The following NFIA variants were observed in gnomAD, a reference collection of about 807,000 sequenced individuals.
NFIA encodes the protein nuclear factor I A, also known as nuclear factor 1 A-type.
NFIA carries 8 observed loss-of-function variants against 62.8 expected under a neutral mutation model. That is an observed-to-expected ratio of 0.13 (90% CI 0.07 to 0.23). The LOEUF is 0.23. Ranked by LOEUF, NFIA falls within the 10% of genes least tolerant of loss-of-function variation. The pLI is 1.00. For synonymous variants in NFIA, 235 were observed against 238.1 expected, an observed-to-expected ratio of 0.99 and a Z score of 0.12; for missense variants, 410 against 642.1, an observed-to-expected ratio of 0.64 and a Z score of 3.91.
At chr1:61,194,664 T>C (rs918862114) in intron 2 of NFIA, among the ~76,000 whole-genome samples, 11 of 152,190 alleles carry the variant, frequency 7.2e-5, no homozygotes, top group African/African-American at 2.7e-4. Context: ...CTTCACCCTA[T>C]CATTTTGCTG....
intron 7 of NFIA, chr1:61,385,725 T>G (rs1397777139): frequency 6.6e-6 from 1 of 152,210 alleles, no homozygotes; most frequent in Admixed American, 6.5e-5. Flanking sequence ...TGACCCACGC[T>G]GGGTTGAACC....
At chr1:61,114,561 TA>T (rs1238440287) in intron 2 of NFIA, among the ~76,000 whole-genome samples, 8 of 152,190 alleles carry the variant, frequency 5.3e-5, no homozygotes, top group African/African-American at 1.2e-4. Flanking sequence ...TTTTTTCTTA[TA>T]TTTTTTTAAA....
At position 61,383,645 on chromosome 1, in the gene NFIA, A is replaced by G. The variant is rs1462913110; in HGVS notation, c.1075+280A>G. ...AGTAACTTGAATTGAACCAAAATCAAATCTGTTCTACAAGTTGTGTGTGTG... is the reference window on the plus strand; with the variant it reads ...AGTAACTTGAATTGAACCAAAATCAGATCTGTTCTACAAGTTGTGTGTGTG... On this transcript the variant is annotated intron_variant, in intron 7 of 10. Transcript: ENST00000403491. Among the ~76,000 whole-genome samples, 4 of 152,338 alleles carry G rather than the reference A, an allele frequency of 2.6e-5. 1 individual carries two copies. Among genetic ancestry groups the G allele is most frequent in the Admixed American group, 2.6e-4 (4 of 15,304 alleles).
chr1:61,252,894 T>C (rs1656136138), intron 2 of NFIA, among the ~76,000 whole-genome samples: 1 of 152,244 alleles, frequency 6.6e-6, no homozygotes, highest in Non-Finnish European at 1.5e-5. Flanking sequence ...TATTTTGTAT[T>C]CCTACTCTTT....
chr1:61,171,061 G>T (rs1411347931), intron 2 of NFIA, among the ~76,000 whole-genome samples: 3 of 152,184 alleles, frequency 2.0e-5, no homozygotes, highest in Non-Finnish European at 4.4e-5. Flanking sequence ...GGCTGCTTGT[G>T]TTAATACTTA....
In NFIA at chr1:61,235,380, G is replaced by A. The variant is rs539841529; in HGVS notation, c.560-42140G>A. Among the ~76,000 whole-genome samples the A allele has an allele frequency of 1.2e-4, 18 of 151,512 alleles. No homozygotes were observed. The South Asian group carries it at 2.9e-3, about 25-fold the overall frequency. ...CGGGAGGCTGAGGCAGGAGAATGGC[G>A]TGAACCCGGGAGGCGGAGGTTGCAG... On this transcript the variant is annotated intron_variant, in intron 2 of 10. Transcript: ENST00000403491.
intron 9 of NFIA, among the ~76,000 whole-genome samples, chr1:61,415,801 G>T (rs1666321534): frequency 6.6e-6 from 1 of 152,040 alleles, no homozygotes; most frequent in Non-Finnish European, 1.5e-5. Context: ...TTTACATTTT[G>T]TACCTATATT....
At chr1:61,333,923 C>T (rs1340063918) in intron 4 of NFIA, among the ~76,000 whole-genome samples, 1 of 152,170 alleles carries the variant, frequency 6.6e-6, no homozygotes, top group Middle Eastern at 3.2e-3. Context: ...TTGCTCGAAC[C>T]CGGAGGGTGG....
chr1:61,386,161 G>A (rs1468442479), intron 7 of NFIA, among the ~76,000 whole-genome samples: 1 of 152,168 alleles, frequency 6.6e-6, no homozygotes. Flanking sequence ...GAAAGCTAAT[G>A]CTTGGAATGA....
At chr1:61,445,242 A>G (rs1243579188) in intron 10 of NFIA, among the ~76,000 whole-genome samples, 1 of 152,174 alleles carries the variant, frequency 6.6e-6, no homozygotes, top group African/African-American at 2.4e-5. Flanking sequence ...TGCTATGTAC[A>G]TGTCCAGGTT....
chr1:61,142,823 A>G (rs1409179274), intron 2 of NFIA, among the ~76,000 whole-genome samples: 1 of 152,180 alleles, frequency 6.6e-6, no homozygotes, highest in African/African-American at 2.4e-5. Flanking sequence ...GCACATGGAA[A>G]GCGCCTGCCC....
At position 61,244,916 on chromosome 1, in the gene NFIA, C is replaced by T. The variant is rs566753266; in HGVS notation, c.560-32604C>T. Among the ~76,000 whole-genome samples, 3 of 152,272 alleles carry T rather than the reference C, an allele frequency of 2.0e-5. No homozygotes were observed. The East Asian group carries it at 5.8e-4, about 29-fold the overall frequency. ...ATTGTCAACCATTAAGTAGACTGAG[C>T]AATATGAATTGCTGGTCTGTTCCCT... On this transcript the variant is annotated intron_variant, in intron 2 of 10. Transcript: ENST00000403491.
At chr1:61,291,123 T>C (rs1444004581) in intron 3 of NFIA, among the ~76,000 whole-genome samples, 9 of 152,176 alleles carry the variant, frequency 5.9e-5, no homozygotes, top group Admixed American at 5.9e-4. Flanking sequence ...AACTTTATCT[T>C]AGGAAAGACG....
chr1:61,113,277 C>G (rs1044306596), intron 2 of NFIA, among the ~76,000 whole-genome samples: 1 of 151,716 alleles, frequency 6.6e-6, no homozygotes, highest in Non-Finnish European at 1.5e-5. Flanking sequence ...TTCTTAGGGA[C>G]ATTTTTAAAT....
At chr1:61,211,082 A>T (rs1045529859) in intron 2 of NFIA, among the ~76,000 whole-genome samples, 1 of 152,216 alleles carries the variant, frequency 6.6e-6, no homozygotes, top group East Asian at 1.9e-4. Context: ...TTCGTGGCTT[A>T]TGGGTATCTT....
chr1:61,130,390 A>G (rs904203491), intron 2 of NFIA, among the ~76,000 whole-genome samples: 5 of 152,174 alleles, frequency 3.3e-5, no homozygotes, highest in African/African-American at 9.7e-5. Context: ...TAACTTTCAG[A>G]TCTTCTGTAA....
intron 2 of NFIA, among the ~76,000 whole-genome samples, chr1:61,212,239 C>T (rs1653311862): frequency 6.6e-6 from 1 of 152,124 alleles, no homozygotes; most frequent in Non-Finnish European, 1.5e-5. Context: ...AACATTTCAC[C>T]TTTACTCCAC....
chr1:61,318,636 T>G lies in NFIA; in HGVS notation c.626-13876T>G, dbSNP rs1170025306. ...ATTCCTTAATGCTTTGTTTATAGAATTTTGAAACAGCAAATGGATTTGGTC... is the reference window on the plus strand; with the variant it reads ...ATTCCTTAATGCTTTGTTTATAGAAGTTTGAAACAGCAAATGGATTTGGTC... On this transcript the variant is annotated intron_variant, in intron 3 of 10. Coordinates refer to ENST00000403491, the MANE Select transcript of NFIA (RefSeq NM_001134673.4). Among the ~76,000 whole-genome samples, 3 of 152,220 alleles carry G rather than the reference T, an allele frequency of 2.0e-5. No homozygotes were observed. In the East Asian group the frequency reaches 5.8e-4, roughly 29 times the overall value.
At chr1:61,387,497 G>A (rs1363820606) in intron 7 of NFIA, among the ~76,000 whole-genome samples, 10 of 89,810 alleles carry the variant, frequency 1.1e-4, no homozygotes, top group African/African-American at 3.9e-4. Context: ...TTTTTGAGAC[G>A]GAGTCTCGTC....
Sources: allele counts gnomAD v4.1 joint callset (sites outside exome capture counted in the v4.1 genomes callset), GRCh38; gene constraint gnomAD v4.1.1; transcripts MANE v1.5; gene names NCBI Gene and HGNC (gene_info 2026-07-23, HGNC 2026-07-21).